TMEM39A: variants seen among roughly 807,000 people sequenced by gnomAD.
The protein encoded by TMEM39A is transmembrane protein 39A, also known as suppressor of SQST-1 aggregates in rpl-43 mutants.
Under a neutral mutation model 51.9 loss-of-function variants are expected in TMEM39A, and 19 were observed. That is an observed-to-expected ratio of 0.37 (90% confidence interval 0.26 to 0.54). TMEM39A has a LOEUF of 0.54. Ranked by LOEUF, TMEM39A falls within the 20% of genes least tolerant of loss-of-function variation. The probability of loss-of-function intolerance (pLI) is 0.88; values close to 1 mark genes in which losing one functional copy is unlikely to be tolerated. For missense variants in TMEM39A, 433 were observed against 590.5 expected (o/e 0.73, Z 2.76); for synonymous variants, 197 against 220.2 (o/e 0.89, Z 0.93).
chr3:119,450,561 C>T (rs1307617286), intron 4 of TMEM39A, among the ~76,000 whole-genome samples: 1 of 152,138 alleles, frequency 6.6e-6, no homozygotes, highest in Non-Finnish European at 1.5e-5. Context: ...TGGGATCACA[C>T]CCGTAATCCC....
At chr3:119,461,050 C>T (rs1176375741) in intron 2 of TMEM39A, among the ~76,000 whole-genome samples, 1 of 152,148 alleles carries the variant, frequency 6.6e-6, no homozygotes, top group Non-Finnish European at 1.5e-5. Flanking sequence ...CAACATCCTG[C>T]TATGATGCAA....
In TMEM39A at chr3:119,452,447, C is replaced by T; in HGVS notation, c.420G>A (p.Glu140=). The T allele has an allele frequency of 6.2e-7, 1 of 1,612,466 alleles. No individual in the cohort carries two copies. The change falls in exon 4 of 9, where the codon GAG becomes GAA. Residue 140 remains glutamate, a splice_region_variant and synonymous_variant. Transcript: ENST00000319172. ...ARRLVWALIS[E]ATKAGAASMI... ...TAGAATATAGTCAATGAACTGTTAC[C>T]TCTGAGATGAGAGCCCATACAAGCC...
intron 1 of TMEM39A, among the ~76,000 whole-genome samples, chr3:119,463,041 A>C (rs1377170451): frequency 6.6e-6 from 1 of 152,246 alleles, no homozygotes; most frequent in South Asian, 2.1e-4. Context: ...TATTCCTAAC[A>C]GCCTTCGGCT....
chr3:119,451,256 A>G (rs1434407826), intron 4 of TMEM39A: 2 of 1,287,194 alleles, frequency 1.6e-6, no homozygotes, highest in South Asian at 2.5e-5. Context: ...TTGACTTAGT[A>G]TTTCCAGTTA....
chr3:119,437,802 G>A lies in TMEM39A; in HGVS notation c.877C>T (p.Leu293Phe), dbSNP rs776748636. 1 of 1,592,350 alleles carries A rather than the reference G, an allele frequency of 6.3e-7. No individual in the cohort carries two copies. Among genetic ancestry groups the A allele is most frequent in the Admixed American group, 1.7e-5 (1 of 59,358 alleles). ...HRIKEVLFNS[L>F]FSAYYVAFLP... ...AATGCAACATAGTAGGCACTGAAGA[G>A]GGAGTTGAAGAGAACCTCCTTGATT... The change falls in exon 6 of 9, where the codon CTC (leucine) becomes TTC (phenylalanine). Residue 293 changes from leucine (L) to phenylalanine (F), a missense_variant. Around this residue, in one of 3 missense-constraint regions of TMEM39A, gnomAD observed 223 missense variants for 328.1 expected, o/e 0.68. Coordinates refer to ENST00000319172, the MANE Select transcript of TMEM39A (RefSeq NM_018266.3).
At chr3:119,438,640 T>A (rs2081008566) in intron 5 of TMEM39A, among the ~76,000 whole-genome samples, 1 of 152,216 alleles carries the variant, frequency 6.6e-6, no homozygotes, top group African/African-American at 2.4e-5. Flanking sequence ...CCCATTTCTC[T>A]CTTGTTGGAA....
chr3:119,453,300 CACCAGGT>C (rs2107683474), intron 3 of TMEM39A, among the ~76,000 whole-genome samples: 1 of 152,280 alleles, frequency 6.6e-6, no homozygotes, highest in Non-Finnish European at 1.5e-5. Context: ...ATCCACAATG[CACCAGGT>C]ACTCTCCTTC....
intron 1 of TMEM39A, among the ~76,000 whole-genome samples, chr3:119,462,893 G>A (rs1268978090): frequency 4.2e-5 from 6 of 142,418 alleles, no homozygotes; most frequent in Admixed American, 7.0e-5. Flanking sequence ...ATCCTCACTG[G>A]AAAAAAAAAA....
intron 4 of TMEM39A, among the ~76,000 whole-genome samples, chr3:119,448,843 AT>A (rs2081161699): frequency 6.6e-6 from 1 of 152,234 alleles, no homozygotes; most frequent in South Asian, 2.1e-4. Context: ...ATTTTGCCTT[AT>A]TCCAGAGCCC....
chr3:119,457,940 AC>A lies in TMEM39A; in HGVS notation c.336+77del, dbSNP rs1433110438. Reference sequence around the variant, plus strand: ...ATTAAAAGAAAAATTATTAAGAAAAACAATTTCTACAGAAAGGCTTTCCAGG... The same window carrying A: ...ATTAAAAGAAAAATTATTAAGAAAAAAATTTCTACAGAAAGGCTTTCCAGG... On this transcript the variant is annotated intron_variant, in intron 3 of 8. Coordinates refer to ENST00000319172, the MANE Select transcript of TMEM39A (RefSeq NM_018266.3). The A allele has an allele frequency of 3.6e-6, 4 of 1,098,982 alleles. No individual in the cohort carries two copies. In the African/African-American group the frequency reaches 6.3e-5, roughly 17 times the overall value. The allele number at this position is 1,098,982 out of a possible 1,614,324, so 68.1% of individuals were successfully genotyped here.
intron 6 of TMEM39A, 62 bp from the exon 7 acceptor site, chr3:119,437,040 T>C (rs1278260669): frequency 2.7e-6 from 4 of 1,497,218 alleles, no homozygotes; most frequent in Non-Finnish European, 3.7e-6. Flanking sequence ...CAGGGATGGG[T>C]TGGTGTACAT....
At chr3:119,452,198 T>C (rs2081210330) in intron 4 of TMEM39A, among the ~76,000 whole-genome samples, 1 of 152,212 alleles carries the variant, frequency 6.6e-6, no homozygotes, top group Non-Finnish European at 1.5e-5. Flanking sequence ...ATTGTTTAAA[T>C]TGTACTGAAA....
At chr3:119,455,997 T>C (rs2081258627) in intron 3 of TMEM39A, among the ~76,000 whole-genome samples, 2 of 152,158 alleles carry the variant, frequency 1.3e-5, no homozygotes, top group Admixed American at 1.3e-4. Context: ...ATGGGAGTCA[T>C]ATAATGGTAC....
intron 5 of TMEM39A, among the ~76,000 whole-genome samples, chr3:119,445,467 G>C (rs1186678938): frequency 2.6e-5 from 4 of 152,186 alleles, no homozygotes; most frequent in African/African-American, 9.7e-5. Flanking sequence ...GTTTCGCCAT[G>C]TTGGCGAGGC....
chr3:119,451,253 A>G lies in TMEM39A; in HGVS notation c.420+1194T>C, dbSNP rs1004704243. 3 of 1,286,682 alleles carry G rather than the reference A, an allele frequency of 2.3e-6. No individual in the cohort carries two copies. In the African/African-American group the frequency reaches 4.6e-5, roughly 20 times the overall value. The allele number at this position is 1,286,682 out of a possible 1,614,324, so 79.7% of individuals were successfully genotyped here. A position where few individuals can be genotyped will look rare whatever the true frequency, so the allele number is the denominator to read the frequency against. The stretch of plus-strand genomic sequence containing the variant: ...TCAAATGGTTTTCAGATCTTGACTT[A>G]GTATTTCCAGTTACTCTGCTTCCAG... On this transcript the variant is annotated intron_variant, in intron 4 of 8. Coordinates refer to ENST00000319172, the MANE Select transcript of TMEM39A (RefSeq NM_018266.3).
Position 119,447,191 on chromosome 3 carries a change from C to T in TMEM39A, c.421-19G>A. The T allele has an allele frequency of 6.2e-7, 1 of 1,603,154 alleles. No individual in the cohort carries two copies. The highest frequency in any genetic ancestry group is 8.5e-7 in the Non-Finnish European group (1 of 1,174,452). ...TAGTAGCCTGAAAGTTTGGAAGCAC[C>T]AAAATGAACATTTTGTAAATGATCT... is the stretch of plus-strand genomic sequence containing the variant. On this transcript the variant is annotated intron_variant, in intron 4 of 8. Transcript: ENST00000319172.
chr3:119,460,311 T>C (rs1339310241), intron 2 of TMEM39A, among the ~76,000 whole-genome samples: 4 of 151,966 alleles, frequency 2.6e-5, no homozygotes, highest in Admixed American at 6.6e-5. Flanking sequence ...GAGAAAAGAA[T>C]ACCAAACCCA....
At chr3:119,435,071 T>C in intron 7 of TMEM39A, 189 bp from the exon 8 acceptor site, 1 of 974,862 alleles carries the variant, frequency 1.0e-6, no homozygotes, top group Non-Finnish European at 1.2e-6. Flanking sequence ...TTAACTTCAT[T>C]GCTATATAGT....
At chr3:119,444,248 A>AATT (rs1416787339) in intron 5 of TMEM39A, among the ~76,000 whole-genome samples, 1 of 152,204 alleles carries the variant, frequency 6.6e-6, no homozygotes, top group Non-Finnish European at 1.5e-5. Flanking sequence ...ATATACCCAT[A>AATT]ATTAGCCGTT....
Sources: allele counts gnomAD v4.1 joint callset (sites outside exome capture counted in the v4.1 genomes callset), GRCh38; gene constraint gnomAD v4.1.1; regional missense constraint gnomAD v4.1.1; transcripts MANE v1.5; gene names NCBI Gene and HGNC (gene_info 2026-07-23, HGNC 2026-07-21).